The following OR2A12 variants were observed in gnomAD, a reference collection of about 807,000 sequenced individuals.
The protein encoded by OR2A12 is olfactory receptor 2A12.
For synonymous variants in OR2A12, 153 were observed against 149.3 expected, an observed-to-expected ratio of 1.02 and a Z score of -0.18; for missense variants, 380 against 372.5, an observed-to-expected ratio of 1.02 and a Z score of -0.17.
At chr7:144,088,067 G>A (rs2051199725) in intron 1 of OR2A12, among the ~76,000 whole-genome samples, 2 of 152,200 alleles carry the variant, frequency 1.3e-5, no homozygotes, top group South Asian at 4.1e-4. Flanking sequence ...AGGCTGGAGT[G>A]CAGTGGCACG....
chr7:144,094,992 G>A (rs1008229141), intron 1 of OR2A12, 65 bp from the exon 2 acceptor site: 1 of 695,926 alleles, frequency 1.4e-6, no homozygotes, highest in Non-Finnish European at 2.4e-6. Flanking sequence ...ATGAAATACT[G>A]ATTTGTGGCC....
In OR2A12 at chr7:144,086,346, G is replaced by A. The variant is rs1483124747; in HGVS notation, c.-249G>A. The A allele has an allele frequency of 6.6e-6, 1 of 152,610 alleles. No homozygotes were observed. Among genetic ancestry groups the A allele is most frequent in the African/African-American group, 2.4e-5 (1 of 41,448 alleles). 9.5% of individuals were successfully genotyped at this position (152,610 alleles called of 1,614,324 possible). ...CCTGAGTTCTCACTTCTTTGCATAA[G>A]CAGGAACACAAGTGCACATGCGTGC... is the stretch of plus-strand genomic sequence containing the variant. On this transcript the variant is annotated 5_prime_UTR_variant, in exon 1 of 2. Coordinates refer to ENST00000641592, the MANE Select transcript of OR2A12 (RefSeq NM_001004135.2).
At chr7:144,090,996 A>T (rs1192548980) in intron 1 of OR2A12, among the ~76,000 whole-genome samples, 1 of 152,166 alleles carries the variant, frequency 6.6e-6, no homozygotes, top group East Asian at 1.9e-4. Flanking sequence ...GTAAATGTAC[A>T]TGTTTATGTG....
intron 1 of OR2A12, among the ~76,000 whole-genome samples, chr7:144,089,333 C>T (rs186537864): frequency 2.8e-4 from 42 of 149,758 alleles, no homozygotes; most frequent in Admixed American, 2.1e-3. Flanking sequence ...TGTGTGTGCG[C>T]GTGTGTGCGT....
Position 144,097,257 on chromosome 7 carries a change from A to T in OR2A12, c.*1217A>T, listed in dbSNP as rs957620470. On this transcript the variant is annotated 3_prime_UTR_variant, in exon 2 of 2. Transcript: ENST00000641592. ...GAAACTTGAAAAAACGCTACCATAC[A>T]CAACAGGATTTAATTCTCAAATGCT... is the stretch of plus-strand genomic sequence containing the variant. 3.9e-5 allele frequency: 6 copies of T among 152,176 alleles called. No homozygotes were observed. The highest frequency in any genetic ancestry group is 8.8e-5 in the Non-Finnish European group (6 of 68,034). 9.4% of individuals were successfully genotyped at this position (152,176 alleles called of 1,614,324 possible). A position where few individuals can be genotyped will look rare whatever the true frequency, so the allele number is the denominator to read the frequency against.
intron 1 of OR2A12, 24 bp from the exon 2 acceptor site, chr7:144,095,033 A>G (rs567945408): frequency 1.3e-5 from 13 of 987,410 alleles, no homozygotes; most frequent in Non-Finnish European, 1.8e-5. Context: ...CTATAATGAA[A>G]TGTTTTTTAT....
At chr7:144,089,356 C>T (rs866590455) in intron 1 of OR2A12, among the ~76,000 whole-genome samples, 1 of 150,632 alleles carries the variant, frequency 6.6e-6, no homozygotes, top group South Asian at 2.1e-4. Context: ...GCGTCTGCGT[C>T]TGTGTGTGTG....
chr7:144,094,009 T>C (rs979687989), intron 1 of OR2A12, among the ~76,000 whole-genome samples: 2 of 152,218 alleles, frequency 1.3e-5, no homozygotes, highest in African/African-American at 2.4e-5. Context: ...TGTTGTTCTA[T>C]ACATTTAATT....
chr7:144,090,184 G>T (rs1010007572), intron 1 of OR2A12, among the ~76,000 whole-genome samples: 2 of 142,548 alleles, frequency 1.4e-5, no homozygotes, highest in African/African-American at 5.5e-5. Context: ...GCTCTTATTA[G>T]ATCATTGCTT....
intron 1 of OR2A12, among the ~76,000 whole-genome samples, chr7:144,087,455 T>C (rs2051194920): frequency 6.6e-6 from 1 of 152,194 alleles, no homozygotes; most frequent in Admixed American, 6.5e-5. Context: ...AACTTGACTA[T>C]GGTGTCACAT....
rs2051263426 is a variant in OR2A12 at position 144,096,144 on chromosome 7, T to A, written c.*104T>A. On this transcript the variant is annotated 3_prime_UTR_variant, in exon 2 of 2. Transcript: ENST00000641592. The stretch of plus-strand genomic sequence containing the variant: ...AATTTACCACACCCAATACTGTTTA[T>A]CTTTAGACTTCTTATAAAAAGAGAA... 6 of 841,322 alleles carry A rather than the reference T, an allele frequency of 7.1e-6. No homozygotes were observed. Among genetic ancestry groups the A allele is most frequent in the Non-Finnish European group, 9.4e-6 (5 of 532,082 alleles). The allele number at this position is 841,322 out of a possible 1,614,324, so 52.1% of individuals were successfully genotyped here. A position where few individuals can be genotyped will look rare whatever the true frequency, so the allele number is the denominator to read the frequency against.
In OR2A12 at chr7:144,095,099, C is replaced by G; in HGVS notation, c.-9C>G. 6.4e-7 allele frequency: 1 copy of G among 1,572,270 alleles called. No individual in the cohort carries two copies. The highest frequency in any genetic ancestry group is 8.6e-7 in the Non-Finnish European group (1 of 1,159,918). On this transcript the variant is annotated 5_prime_UTR_variant, in exon 2 of 2. Transcript: ENST00000641592. The stretch of plus-strand genomic sequence containing the variant: ...TAAGTACATCACAAGATTTTTCTGT[C>G]ACGAGAACATGGAAAGCAATCAGAC...
intron 1 of OR2A12, among the ~76,000 whole-genome samples, chr7:144,093,682 G>T (rs2051241825): frequency 7.2e-6 from 1 of 138,112 alleles, no homozygotes; most frequent in Non-Finnish European, 1.5e-5. Flanking sequence ...TTGTGTCCAT[G>T]TGTTCTCATT....
intron 1 of OR2A12, among the ~76,000 whole-genome samples, chr7:144,093,035 A>AT (rs1369734968): frequency 6.8e-6 from 1 of 146,060 alleles, no homozygotes; most frequent in Non-Finnish European, 1.5e-5. Context: ...GGTCATTTAC[A>AT]TTTATTTAGA....
chr7:144,088,443 A>G (rs963365802), intron 1 of OR2A12, among the ~76,000 whole-genome samples: 5 of 152,194 alleles, frequency 3.3e-5, no homozygotes, highest in Non-Finnish European at 7.3e-5. Context: ...TCTTCCATTC[A>G]TTCTTCTTTC....
chr7:144,086,635 A>C (rs984729628), intron 1 of OR2A12, 92 bp downstream of exon 1: 3 of 152,206 alleles, frequency 2.0e-5, no homozygotes, highest in Admixed American at 2.0e-4. Flanking sequence ...GTCCTGTCCC[A>C]GTCCTCAGGA....
At position 144,096,125 on chromosome 7, in the gene OR2A12, C is replaced by A; in HGVS notation, c.*85C>A. 3 of 961,960 alleles carry A rather than the reference C, an allele frequency of 3.1e-6. No individual in the cohort carries two copies. The highest frequency in any genetic ancestry group is 4.8e-6 in the Non-Finnish European group (3 of 629,838). 59.6% of individuals were successfully genotyped at this position (961,960 alleles called of 1,614,324 possible). ...ATTTCCTTTTTAATTCTTTAATTTACCACACCCAATACTGTTTATCTTTAG... is the reference window on the plus strand; with the variant it reads ...ATTTCCTTTTTAATTCTTTAATTTAACACACCCAATACTGTTTATCTTTAG... On this transcript the variant is annotated 3_prime_UTR_variant, in exon 2 of 2. Coordinates refer to ENST00000641592, the MANE Select transcript of OR2A12 (RefSeq NM_001004135.2).
chr7:144,095,727 T>C lies in OR2A12; in HGVS notation c.620T>C (p.Val207Ala), dbSNP rs1454895752. The change falls in exon 2 of 2, where the codon GTG becomes GCG. Residue 207 changes from valine to alanine, a missense_variant. Val to Ala is a moderately conservative substitution (Grantham distance 64). Transcript: ENST00000641592. ...VLFAGSAFILVGPLCLVLVSY... is the reference protein window; with the variant it reads ...VLFAGSAFILAGPLCLVLVSY... ...TTTGCGGGTTCTGCGTTCATCTTAG[T>C]GGGGCCGCTCTGCCTGGTGCTGGTC... is the stretch of plus-strand genomic sequence containing the variant. The C allele has an allele frequency of 1.9e-6, 3 of 1,614,090 alleles. No individual in the cohort carries two copies. Among genetic ancestry groups the C allele is most frequent in the East Asian group, 2.2e-5 (1 of 44,844 alleles).
chr7:144,088,572 A>G (rs2051203365), intron 1 of OR2A12, among the ~76,000 whole-genome samples: 1 of 152,252 alleles, frequency 6.6e-6, no homozygotes, highest in Non-Finnish European at 1.5e-5. Flanking sequence ...CATTGAAAGT[A>G]TAGATCAAAT....
Sources: allele counts gnomAD v4.1 joint callset (sites outside exome capture counted in the v4.1 genomes callset), GRCh38; gene constraint gnomAD v4.1.1; transcripts MANE v1.5; gene names NCBI Gene and HGNC (gene_info 2026-07-23, HGNC 2026-07-21).